The following PPFIA1 variants were observed in gnomAD, a reference collection of about 807,000 sequenced individuals.
PPFIA1 encodes the protein PPFI scaffold protein A1, also known as liprin-alpha-1.
A neutral mutation model predicts 149.9 loss-of-function variants in PPFIA1; 25 were observed. The ratio of observed to expected loss-of-function variants is 0.17; its 90% confidence interval spans 0.12 to 0.23. PPFIA1 has a LOEUF of 0.23. PPFIA1 is among the 10% of genes least tolerant of loss of function. The probability of loss-of-function intolerance (pLI) is 1.00; values close to 1 mark genes in which losing one functional copy is unlikely to be tolerated. For synonymous variants in PPFIA1, 549 were observed against 552.8 expected (o/e 0.99, Z 0.10); for missense variants, 1,362 against 1,506.5 (o/e 0.90, Z 1.59).
At chr11:70,299,044 G>A (rs1166690546) in intron 2 of PPFIA1, among the ~76,000 whole-genome samples, 1 of 152,130 alleles carries the variant, frequency 6.6e-6, no homozygotes, top group Non-Finnish European at 1.5e-5. Context: ...TTTGAGACCA[G>A]CCTGGGCAAC....
chr11:70,305,590 C>T (rs571408775), intron 2 of PPFIA1, among the ~76,000 whole-genome samples: 5 of 152,198 alleles, frequency 3.3e-5, no homozygotes, highest in East Asian at 1.9e-4. Flanking sequence ...GGGCTGGTCT[C>T]GAACTCCTGA....
intron 2 of PPFIA1, among the ~76,000 whole-genome samples, chr11:70,299,745 T>C (rs1382036683): frequency 6.6e-6 from 1 of 152,128 alleles, no homozygotes; most frequent in Non-Finnish European, 1.5e-5. Context: ...TCAGAGGCTC[T>C]GTCAGGGGTT....
At chr11:70,370,488 GC>G (rs1174114045) in intron 21 of PPFIA1, among the ~76,000 whole-genome samples, 1 of 151,850 alleles carries the variant, frequency 6.6e-6, no homozygotes, top group East Asian at 1.9e-4. Context: ...CTGGGTTCAA[GC>G]CATTCTCCTG....
rs1384610058 is a variant in PPFIA1 at position 70,374,937 on chromosome 11, T to C, written c.3159T>C (p.Asn1053=). 10 of 1,611,382 alleles carry C rather than the reference T, an allele frequency of 6.2e-6. No individual in the cohort carries two copies. In the Admixed American group the frequency reaches 1.7e-4, roughly 27 times the overall value. ...SEIKDVLVWS[N]DRVIRWILSI... is the part of the protein sequence containing the mutation. Reference sequence around the variant, plus strand: ...TTGCAGACGTGCTTGTTTGGAGCAATGATCGAGTGATTCGCTGGATCCTGT... The same window carrying C: ...TTGCAGACGTGCTTGTTTGGAGCAACGATCGAGTGATTCGCTGGATCCTGT... Residue 1053 remains asparagine, a synonymous_variant, in exon 24 of 28, where the codon AAT becomes AAC. Transcript: ENST00000253925.
chr11:70,279,600 G>GT (rs1200764610), intron 2 of PPFIA1, among the ~76,000 whole-genome samples: 5 of 149,746 alleles, frequency 3.3e-5, no homozygotes, highest in African/African-American at 4.9e-5. Context: ...TTGAGATGGA[G>GT]TTTCGCTATT....
intron 21 of PPFIA1, chr11:70,363,407 A>T (rs1591350477): frequency 1.3e-5 from 2 of 152,340 alleles, no homozygotes; most frequent in East Asian, 3.9e-4. Context: ...CTGTGAATTC[A>T]TCCGTATCAT....
intron 21 of PPFIA1, chr11:70,371,927 A>G (rs1035311558): frequency 4.3e-5 from 10 of 231,650 alleles, no homozygotes; most frequent in African/African-American, 6.9e-5. Flanking sequence ...ACTAAAAACT[A>G]TCTCAGAGAG....
chr11:70,384,285 C>T lies in PPFIA1; in HGVS notation c.*1295C>T, dbSNP rs963394541. 6.6e-6 allele frequency: 1 copy of T among 152,598 alleles called. No homozygotes were observed. The highest frequency in any genetic ancestry group is 1.9e-4 in the East Asian group (1 of 5,196). 9.5% of individuals were successfully genotyped at this position (152,598 alleles called of 1,614,324 possible). On this transcript the variant is annotated 3_prime_UTR_variant, in exon 28 of 28. Coordinates refer to ENST00000253925, the MANE Select transcript of PPFIA1 (RefSeq NM_003626.5). ...TTCTGTTTTTCTATTAATCTTTTGTCAACTTCCTGATTATGTAACAAAGTA... is the reference window on the plus strand; with the variant it reads ...TTCTGTTTTTCTATTAATCTTTTGTTAACTTCCTGATTATGTAACAAAGTA...
rs1020820436 is a variant in PPFIA1, at chr11:70,339,415, C to A, written c.1707+109C>A. ...TGTTGATAGGTCATTGCTTTCTTGC[C>A]CTCCTCTCATTTTCTATTTTCTGAC... is the stretch of plus-strand genomic sequence containing the variant. On this transcript the variant is annotated intron_variant, in intron 14 of 27. Coordinates refer to ENST00000253925, the MANE Select transcript of PPFIA1 (RefSeq NM_003626.5). 23 of 1,255,996 alleles carry A rather than the reference C, an allele frequency of 1.8e-5. No individual in the cohort carries two copies. In the Admixed American group the frequency reaches 4.3e-4, roughly 23 times the overall value. The allele number at this position is 1,255,996 out of a possible 1,614,324, so 77.8% of individuals were successfully genotyped here. A position where few individuals can be genotyped will look rare whatever the true frequency, so the allele number is the denominator to read the frequency against.
chr11:70,363,364 CTT>C (rs1591350342), intron 21 of PPFIA1: 1 of 152,332 alleles, frequency 6.6e-6, no homozygotes, highest in East Asian at 1.9e-4. Flanking sequence ...TATTCACTCT[CTT>C]GTGTCTGGCT....
At chr11:70,282,361 G>C (rs989692678) in intron 2 of PPFIA1, 2 of 152,792 alleles carry the variant, frequency 1.3e-5, no homozygotes, top group African/African-American at 4.8e-5. Flanking sequence ...ATGGGGTCTT[G>C]CTGTGTTGCC....
intron 2 of PPFIA1, among the ~76,000 whole-genome samples, chr11:70,289,726 G>A (rs958497219): frequency 5.9e-5 from 9 of 152,206 alleles, no homozygotes; most frequent in Admixed American, 4.6e-4. Context: ...GCGCCACCAC[G>A]CCCCAGCTTT....
intron 2 of PPFIA1, among the ~76,000 whole-genome samples, chr11:70,273,256 C>CA (rs112897172): frequency 0.22 from 30,777 of 142,266 alleles, 4,470 homozygotes; most frequent in African/African-American, 0.42. Context: ...CAGCCTGTCT[C>CA]AAAAAAAAAA....
At chr11:70,356,075 C>A (rs995386403) in intron 18 of PPFIA1, 86 bp from the exon 19 acceptor site, 1 of 1,151,660 alleles carries the variant, frequency 8.7e-7, no homozygotes. Flanking sequence ...TAAATCTGAA[C>A]CTGCAAATAT....
chr11:70,326,427 A>G, intron 6 of PPFIA1, 64 bp downstream of exon 6: 1 of 1,453,568 alleles, frequency 6.9e-7, no homozygotes, highest in Non-Finnish European at 9.5e-7. Flanking sequence ...GTGTCGGGTT[A>G]TGTGGAAAAC....
intron 2 of PPFIA1, among the ~76,000 whole-genome samples, chr11:70,296,252 G>T (rs1352050193): frequency 6.6e-6 from 1 of 152,100 alleles, no homozygotes; most frequent in Non-Finnish European, 1.5e-5. Flanking sequence ...CGGCCAGGCA[G>T]AGACGCTCCT....
intron 16 of PPFIA1, chr11:70,351,031 GT>G: frequency 2.4e-6 from 3 of 1,235,002 alleles, no homozygotes; most frequent in Admixed American, 2.6e-5. Context: ...AAGGTAAATT[GT>G]TTAGTAATTT....
chr11:70,272,530 T>G, intron 2 of PPFIA1, 94 bp downstream of exon 2: 1 of 1,361,800 alleles, frequency 7.3e-7, no homozygotes, highest in Non-Finnish European at 1.0e-6. Context: ...ATGAGTATTT[T>G]CCGTAACGAT....
chr11:70,285,839 G>A (rs1416739714), intron 2 of PPFIA1, among the ~76,000 whole-genome samples: 1 of 152,088 alleles, frequency 6.6e-6, no homozygotes, highest in Non-Finnish European at 1.5e-5. Context: ...TATTTTGAGT[G>A]TCTGTATGTG....
Sources: allele counts gnomAD v4.1 joint callset (sites outside exome capture counted in the v4.1 genomes callset), GRCh38; gene constraint gnomAD v4.1.1; transcripts MANE v1.5; gene names NCBI Gene and HGNC (gene_info 2026-07-23, HGNC 2026-07-21).